MYO9B: variants seen among roughly 807,000 people sequenced by gnomAD.
MYO9B encodes the protein unconventional myosin-IXb.
A neutral mutation model predicts 229.5 loss-of-function variants in MYO9B; 71 were observed. The observed-to-expected ratio is 0.31, with a 90% CI of 0.26 to 0.38. MYO9B has a LOEUF of 0.38. MYO9B is among the 10% of genes least tolerant of loss of function. The pLI is 1.00. For synonymous variants in MYO9B, 1,185 were observed against 1,235.8 expected, an observed-to-expected ratio of 0.96 and a Z score of 0.86; for missense variants, 2,255 against 2,920.5, an observed-to-expected ratio of 0.77 and a Z score of 5.25.
chr19:17,195,562 T>G lies in MYO9B; in HGVS notation c.4046+89T>G. The stretch of plus-strand genomic sequence containing the variant: ...CAGTGCCACACATCCTGGAAACACA[T>G]GTGTAATCATGCCCAGTGGGTGTGC... On this transcript the variant is annotated intron_variant, in intron 22 of 39. Coordinates refer to ENST00000682292, the MANE Select transcript of MYO9B (RefSeq NM_004145.4). This position sits in a 1 kb window ranked among gnomAD's most constrained non-coding sequence, Gnocchi z 4.5. 2 of 1,459,236 alleles carry G rather than the reference T, an allele frequency of 1.4e-6. No homozygotes were observed. Among genetic ancestry groups the G allele is most frequent in the Non-Finnish European group, 9.2e-7 (1 of 1,084,410 alleles). 90.4% of individuals were successfully genotyped at this position (1,459,236 alleles called of 1,614,324 possible).
chr19:17,117,782 AC>A (rs1293985682), intron 2 of MYO9B, among the ~76,000 whole-genome samples: 1 of 151,940 alleles, frequency 6.6e-6, no homozygotes, highest in Non-Finnish European at 1.5e-5. Context: ...TACTAAAAAT[AC>A]AAAAATTAGC....
At chr19:17,138,427 T>C (rs2072298009) in intron 2 of MYO9B, among the ~76,000 whole-genome samples, 1 of 152,164 alleles carries the variant, frequency 6.6e-6, no homozygotes, top group South Asian at 2.1e-4. Flanking sequence ...GTAAAGGGAT[T>C]GCTGCATACC....
rs184514527 is a variant in MYO9B, at chr19:17,203,860, C to T, written c.4990+602C>T. On this transcript the variant is annotated intron_variant, in intron 30 of 39. Coordinates refer to ENST00000682292, the MANE Select transcript of MYO9B (RefSeq NM_004145.4). ...CCACCGCCTGAACCATCGGCCCCTC[C>T]TTCCCCAGGCTCCTCACGGTCCCTC... 3.3e-5 allele frequency among the ~76,000 whole-genome samples: 5 copies of T among 152,246 alleles called. No individual in the cohort carries two copies. The East Asian group carries it at 9.7e-4, about 29-fold the overall frequency.
rs1240100167 is a variant in MYO9B, at chr19:17,147,562, C to A, written c.935+2071C>A. Among the ~76,000 whole-genome samples the A allele has an allele frequency of 2.4e-4, 33 of 134,864 alleles. No individual in the cohort carries two copies. In the East Asian group the frequency reaches 4.4e-3, roughly 18 times the overall value. The allele number at this position is 134,864 out of a possible 152,430, so 88.5% of individuals were successfully genotyped here. A position where few individuals can be genotyped will look rare whatever the true frequency, so the allele number is the denominator to read the frequency against. Reference sequence around the variant, plus strand: ...CATCTCAAAAAAAAAAAAAAAAAAACCCAACAACCAACCAACCAAACAAGC... The same window carrying A: ...CATCTCAAAAAAAAAAAAAAAAAAAACCAACAACCAACCAACCAAACAAGC... On this transcript the variant is annotated intron_variant, in intron 3 of 39. Transcript: ENST00000682292.
rs1195684695 is a variant in MYO9B at position 17,180,936 on chromosome 19, T to C, written c.2229T>C (p.His743=). Residue 743 remains histidine (H), a synonymous_variant, in exon 15 of 40, where the codon CAT becomes CAC. Coordinates refer to ENST00000682292, the MANE Select transcript of MYO9B (RefSeq NM_004145.4). ...CCACCCCTCCCCTCAGCGATTTGCA[T>C]AACCAAATGATCAAGAGCATCAAAG... ...TPSEKLYRDL[H]NQMIKSIKGL... The C allele has an allele frequency of 1.9e-6, 3 of 1,606,686 alleles. No individual in the cohort carries two copies. Among genetic ancestry groups the C allele is most frequent in the Admixed American group, 3.4e-5 (2 of 58,788 alleles).
At chr19:17,175,385 G>A (rs999881618) in intron 13 of MYO9B, among the ~76,000 whole-genome samples, 1 of 151,500 alleles carries the variant, frequency 6.6e-6, no homozygotes, top group African/African-American at 2.4e-5. Context: ...AGGAGTTCAA[G>A]ACCAGCCTGG....
At chr19:17,199,582 C>T (rs1249834112) in intron 24 of MYO9B, among the ~76,000 whole-genome samples, 2 of 151,904 alleles carry the variant, frequency 1.3e-5, no homozygotes, top group Non-Finnish European at 2.9e-5. Flanking sequence ...GGCTCAATCT[C>T]CGCTCACTGC....
chr19:17,153,066 C>T (rs78012833), intron 4 of MYO9B, among the ~76,000 whole-genome samples: 8 of 152,122 alleles, frequency 5.3e-5, no homozygotes, highest in Non-Finnish European at 7.4e-5. Flanking sequence ...CGCCTGAGCC[C>T]GGGAGGTTGA....
intron 2 of MYO9B, among the ~76,000 whole-genome samples, chr19:17,117,660 C>T (rs551194744): frequency 4.3e-4 from 66 of 152,154 alleles, no homozygotes; most frequent in Admixed American, 1.7e-3. Context: ...ATTCTCAGCC[C>T]GATGCGGTGG....
At position 17,193,672 on chromosome 19, in the gene MYO9B, G is replaced by C. The variant is rs576097193; in HGVS notation, c.3128+610G>C. Reference sequence around the variant, plus strand: ...ATGGGAAGATCGCTTGAGCACAGGAGTTCAAGACCAGCCTGGCCAATATAG... The same window carrying C: ...ATGGGAAGATCGCTTGAGCACAGGACTTCAAGACCAGCCTGGCCAATATAG... On this transcript the variant is annotated intron_variant, in intron 21 of 39. Transcript: ENST00000682292. The surrounding 1 kb of genome is among the most constrained non-coding windows in gnomAD (Gnocchi z 4.3). Among the ~76,000 whole-genome samples the C allele has an allele frequency of 6.6e-6, 1 of 152,182 alleles. No homozygotes were observed. Among genetic ancestry groups the C allele is most frequent in the African/African-American group, 2.4e-5 (1 of 41,440 alleles).
chr19:17,085,010 G>A (rs2057569320), intron 1 of MYO9B, among the ~76,000 whole-genome samples: 1 of 152,094 alleles, frequency 6.6e-6, no homozygotes, highest in Admixed American at 6.6e-5. Flanking sequence ...AGCTTTTGAG[G>A]GGCAAGCAGA....
At chr19:17,150,286 TA>T (rs112496406) in intron 3 of MYO9B, among the ~76,000 whole-genome samples, 73 of 152,076 alleles carry the variant, frequency 4.8e-4, no homozygotes, top group African/African-American at 1.7e-3. Flanking sequence ...CTCATGCCTA[TA>T]ATCCCAGCTA....
intron 10 of MYO9B, among the ~76,000 whole-genome samples, chr19:17,164,123 G>A (rs1443553300): frequency 1.3e-5 from 2 of 152,094 alleles, no homozygotes; most frequent in African/African-American, 2.4e-5. Context: ...CCAGCCCAAA[G>A]GGAAAATAGC....
rs2073203107 is a variant in MYO9B at position 17,209,652 on chromosome 19, A to G, written c.5691A>G (p.Gln1897=). 2.5e-6 allele frequency: 4 copies of G among 1,611,984 alleles called. No individual in the cohort carries two copies. The highest frequency in any genetic ancestry group is 1.7e-5 in the Admixed American group (1 of 59,656). ...AAGTGAAGATGGAGGAGATCAGCCA[A>G]CTGGAGGCTGCAGAGAGTATCGCCT... ...KYKVKMEEIS[Q]LEAAESIAFR... The change falls in exon 36 of 40, where the codon CAA becomes CAG. Residue 1897 remains glutamine, a synonymous_variant. Coordinates refer to ENST00000682292, the MANE Select transcript of MYO9B (RefSeq NM_004145.4).
chr19:17,210,779 C>A lies in MYO9B; in HGVS notation c.5861C>A (p.Ala1954Glu). ...CTGGAGGTGCTGCTGGAGGAGGAGG[C>A]AGCCGGCGGCGATGAGGACCGGGAA... The part of the protein sequence containing the change: ...EELEVLLEEE[A>E]AGGDEDREKE... The change falls in exon 38 of 40, where the codon GCA becomes GAA. Residue 1954 changes from alanine to glutamate, a missense_variant. Ala to Glu is a moderately radical substitution (Grantham distance 107, BLOSUM62 -1). This residue lies in a region of MYO9B where 331 missense variants were observed against 332.5 expected (regional missense o/e 1.00). Transcript: ENST00000682292. 1 of 1,580,402 alleles carries A rather than the reference C, an allele frequency of 6.3e-7. No individual in the cohort carries two copies. The highest frequency in any genetic ancestry group is 1.8e-5 in the Admixed American group (1 of 54,188).
At position 17,167,929 on chromosome 19, in the gene MYO9B, C is replaced by T. The variant is rs1374881606; in HGVS notation, c.1672-14C>T. 3.5e-5 allele frequency: 54 copies of T among 1,556,792 alleles called. No homozygotes were observed. Among genetic ancestry groups the T allele is most frequent in the Middle Eastern group, 1.7e-4 (1 of 6,018 alleles). On this transcript the variant is annotated splice_polypyrimidine_tract_variant and intron_variant, in intron 10 of 39. Transcript: ENST00000682292. ...GGAGATAAGAAACTTACCGACCCCG[C>T]GCCACCCCTGCAGGAGGAATATCAG...
chr19:17,151,286 A>AAAAG, intron 3 of MYO9B, among the ~76,000 whole-genome samples: 1 of 111,262 alleles, frequency 9.0e-6, no homozygotes, highest in South Asian at 2.8e-4. Context: ...CTCAAAAAAA[A>AAAAG]AAAGAAAGAA....
At chr19:17,134,013 G>A (rs1334537370) in intron 2 of MYO9B, among the ~76,000 whole-genome samples, 4 of 150,770 alleles carry the variant, frequency 2.7e-5, no homozygotes, top group South Asian at 2.1e-4. Context: ...TGCCCGCCTC[G>A]GCCTCCCAAA....
At chr19:17,077,570 G>T (rs368251297) in intron 1 of MYO9B, among the ~76,000 whole-genome samples, 4 of 152,100 alleles carry the variant, frequency 2.6e-5, no homozygotes, top group Admixed American at 1.3e-4. Flanking sequence ...AGGGTCTTGT[G>T]GGGGGAGCAC....
Sources: gnomAD v4.1 joint callset for allele counts (sites outside exome capture counted in the v4.1 genomes callset) on GRCh38, gnomAD v4.1.1 for gene constraint, gnomAD v4.1.1 regional missense constraint, Gnocchi (gnomAD v3.1) non-coding constraint, MANE v1.5 for transcripts, NCBI Gene and HGNC (gene_info 2026-07-23, HGNC 2026-07-21) for gene names.